CEP83: variants seen among roughly 807,000 people sequenced by gnomAD.
CEP83 encodes the protein centrosomal protein 83, also known as centrosomal protein of 83 kDa.
CEP83 carries 70 observed loss-of-function variants against 101.9 expected under a neutral mutation model. That is an observed-to-expected ratio of 0.69 (90% CI 0.57 to 0.84). The LOEUF (loss-of-function observed/expected upper bound fraction) is 0.84. Among genes scored for constraint, CEP83 ranks in the 40% least tolerant of loss-of-function variants. The pLI is 0.00. For synonymous variants in CEP83, 264 were observed against 267.9 expected, an observed-to-expected ratio of 0.99 and a Z score of 0.14; for missense variants, 715 against 787.2, an observed-to-expected ratio of 0.91 and a Z score of 1.10.
chr12:94,423,770 C>T (rs2064967038), intron 2 of CEP83: 1 of 1,613,524 alleles, frequency 6.2e-7, no homozygotes. Context: ...AAAGAATAGA[C>T]CCCATGCTCT....
At chr12:94,324,889 T>C (rs1296483830) in intron 14 of CEP83, among the ~76,000 whole-genome samples, 1 of 152,188 alleles carries the variant, frequency 6.6e-6, no homozygotes, top group African/African-American at 2.4e-5. Flanking sequence ...TCCAGTGTGT[T>C]CCTACCTTAA....
chr12:94,290,081 G>A, the CEP83 span, among the ~76,000 whole-genome samples: 2 of 152,200 alleles, frequency 1.3e-5, no homozygotes, highest in Admixed American at 1.3e-4. Flanking sequence ...AAGGGTGCTC[G>A]CTTTTGGCAA....
chr12:94,348,114 A>AT lies in CEP83; in HGVS notation c.1344-12451_1344-12450insA, dbSNP rs1555225598. ...TTTATGTATATTTTACCACAAAAAA[A>AT]ATATATATATATACACAAAGCAGTG... is the stretch of plus-strand genomic sequence containing the variant. On this transcript the variant is annotated intron_variant, in intron 11 of 16. Coordinates refer to ENST00000397809, the MANE Select transcript of CEP83 (RefSeq NM_016122.3). 2.9e-3 allele frequency among the ~76,000 whole-genome samples: 444 copies of AT among 151,842 alleles called. 4 individuals are homozygous for AT. Among genetic ancestry groups the AT allele is most frequent in the East Asian group, 0.028 (143 of 5,190 alleles).
chr12:94,349,176 C>T (rs1400629023), intron 11 of CEP83, among the ~76,000 whole-genome samples: 2 of 151,410 alleles, frequency 1.3e-5, no homozygotes, highest in Non-Finnish European at 2.9e-5. Flanking sequence ...ATCCCAGCTA[C>T]TCGGGAGGCT....
At chr12:94,330,596 A>G (rs540743579) in intron 14 of CEP83, among the ~76,000 whole-genome samples, 20 of 152,336 alleles carry the variant, frequency 1.3e-4, no homozygotes, top group African/African-American at 4.6e-4. Context: ...AGTTTCAGAA[A>G]CCAAGGGAGT....
intron 1 of CEP83, among the ~76,000 whole-genome samples, chr12:94,452,753 G>C (rs1398876768): frequency 6.6e-6 from 1 of 151,972 alleles, no homozygotes; most frequent in African/African-American, 2.4e-5. Context: ...GGAAAAGAAG[G>C]GTATGTAGTT....
At chr12:94,301,392 T>C in the CEP83 span, among the ~76,000 whole-genome samples, 32 of 152,346 alleles carry the variant, frequency 2.1e-4, no homozygotes, top group African/African-American at 6.0e-4. Flanking sequence ...GAAATTTGCC[T>C]AAATCAATTC....
intron 9 of CEP83, chr12:94,368,530 A>G: frequency 5.2e-6 from 1 of 190,896 alleles, no homozygotes; most frequent in Non-Finnish European, 1.1e-5. Flanking sequence ...CTTCACCTCT[A>G]AAGAGGTTCT....
At chr12:94,303,748 TTC>T, downstream of CEP83, 13 of 1,407,148 alleles carry the variant, frequency 9.2e-6, no homozygotes, top group Admixed American at 2.8e-5. Flanking sequence ...TTTTTTTTTT[TTC>T]CCCAGGAAGC....
At chr12:94,302,627 T>C (rs1968577563), downstream of CEP83, among the ~76,000 whole-genome samples, 1 of 152,168 alleles carries the variant, frequency 6.6e-6, no homozygotes, top group Non-Finnish European at 1.5e-5. Context: ...CCAAATAAGG[T>C]AGTTATTATT....
chr12:94,288,019 C>A, the CEP83 span, among the ~76,000 whole-genome samples: 1 of 152,210 alleles, frequency 6.6e-6, no homozygotes, highest in Non-Finnish European at 1.5e-5. Context: ...GCGAAATAAC[C>A]ACTCTAGAGA....
intron 11 of CEP83, among the ~76,000 whole-genome samples, chr12:94,341,031 C>T (rs968051750): frequency 6.6e-5 from 10 of 152,168 alleles, no homozygotes; most frequent in African/African-American, 1.9e-4. Context: ...GTTGGAGTTG[C>T]GTTGCTGTCA....
intron 2 of CEP83, among the ~76,000 whole-genome samples, chr12:94,417,408 A>G (rs1030191786): frequency 2.1e-4 from 32 of 152,190 alleles, no homozygotes; most frequent in African/African-American, 7.5e-4. Context: ...CCTCTACCAG[A>G]AAAGTGTCAG....
At position 94,308,605 on chromosome 12, in the gene CEP83, C is replaced by T; in HGVS notation, c.*208G>A. The T allele has an allele frequency of 5.7e-6, 2 of 350,642 alleles. No homozygotes were observed. The allele number at this position is 350,642 out of a possible 1,614,324, so 21.7% of individuals were successfully genotyped here. A position where few individuals can be genotyped will look rare whatever the true frequency, so the allele number is the denominator to read the frequency against. ...AACCATTGTCAAATATTCTAAATAT[C>T]TCTGAGAATTTCTCTTTTAATGCTT... On this transcript the variant is annotated 3_prime_UTR_variant, in exon 17 of 17. Coordinates refer to ENST00000397809, the MANE Select transcript of CEP83 (RefSeq NM_016122.3).
intron 4 of CEP83, 127 bp downstream of exon 4, chr12:94,411,570 C>T: frequency 1.5e-6 from 1 of 670,260 alleles, no homozygotes; most frequent in Non-Finnish European, 2.6e-6. Context: ...AATTGTACCA[C>T]TTGGAGATAC....
the CEP83 span, among the ~76,000 whole-genome samples, chr12:94,275,489 A>G: frequency 2.0e-5 from 3 of 152,184 alleles, no homozygotes; most frequent in Non-Finnish European, 4.4e-5. Flanking sequence ...GCCCGCGTGC[A>G]CTTTCCCAGC....
At chr12:94,385,703 T>A (rs900223582) in intron 6 of CEP83, among the ~76,000 whole-genome samples, 5 of 152,156 alleles carry the variant, frequency 3.3e-5, no homozygotes, top group African/African-American at 1.2e-4. Context: ...AATTTAATGT[T>A]TTTTTCAGAG....
the CEP83 span, among the ~76,000 whole-genome samples, chr12:94,297,580 CTCT>C: frequency 1.3e-5 from 2 of 152,182 alleles, no homozygotes; most frequent in African/African-American, 4.8e-5. Flanking sequence ...TACCCAGTTC[CTCT>C]TCTTTTTATA....
chr12:94,371,650 A>G (rs1223320464), intron 8 of CEP83, among the ~76,000 whole-genome samples: 2 of 152,202 alleles, frequency 1.3e-5, no homozygotes, highest in Non-Finnish European at 2.9e-5. Flanking sequence ...GGAAAATAAA[A>G]GACAATTTAC....
Sources: allele counts gnomAD v4.1 joint callset (sites outside exome capture counted in the v4.1 genomes callset), GRCh38; gene constraint gnomAD v4.1.1; transcripts MANE v1.5; gene names NCBI Gene and HGNC (gene_info 2026-07-23, HGNC 2026-07-21).